Variants in RBM26 observed in about 807,000 individuals in gnomAD.
RBM26 encodes RNA-binding protein 26.
In RBM26, 30 loss-of-function variants were observed where a neutral mutation model predicts 123.6. The ratio of observed to expected loss-of-function variants is 0.24; its 90% CI spans 0.18 to 0.33. The LOEUF (loss-of-function observed/expected upper bound fraction) is 0.33, where lower values mean the gene tolerates loss of function less well. Among genes scored for constraint, RBM26 ranks in the 10% least tolerant of loss-of-function variants. The pLI is 1.00. For missense variants in RBM26, 947 were observed against 1,203.6 expected (o/e 0.79, Z 3.15); for synonymous variants, 400 against 404.4 (o/e 0.99, Z 0.13).
intron 20 of RBM26, among the ~76,000 whole-genome samples, chr13:79,330,504 A>T (rs2138704077): frequency 6.6e-6 from 1 of 152,314 alleles, no homozygotes; most frequent in South Asian, 2.1e-4. Context: ...ATCTTTTGTT[A>T]GGGGATCTCT....
intron 18 of RBM26, 142 bp from the exon 19 acceptor site, chr13:79,337,444 T>A: frequency 9.8e-7 from 1 of 1,015,376 alleles, no homozygotes; most frequent in Non-Finnish European, 1.4e-6. Flanking sequence ...ATAATTTAAA[T>A]TGGGGTTTTA....
intron 13 of RBM26, among the ~76,000 whole-genome samples, chr13:79,353,757 C>T (rs1384506197): frequency 6.6e-6 from 1 of 152,114 alleles, no homozygotes; most frequent in East Asian, 1.9e-4. Context: ...GTGGCATCCA[C>T]TAGCTAAGTA....
At chr13:79,365,942 A>T in intron 8 of RBM26, 113 bp downstream of exon 8, 1 of 1,091,374 alleles carries the variant, frequency 9.2e-7, no homozygotes, top group Non-Finnish European at 1.3e-6. Flanking sequence ...CACCACGGCT[A>T]CATAATTTTA....
intron 17 of RBM26, among the ~76,000 whole-genome samples, chr13:79,341,657 A>G (rs1405045266): frequency 6.6e-6 from 1 of 151,804 alleles, no homozygotes; most frequent in Admixed American, 6.6e-5. Flanking sequence ...CTGGTGACCT[A>G]TAAGGGATGG....
At chr13:79,386,761 T>C (rs549786000) in intron 1 of RBM26, among the ~76,000 whole-genome samples, 1 of 152,134 alleles carries the variant, frequency 6.6e-6, no homozygotes, top group African/African-American at 2.4e-5. Flanking sequence ...ACATTCTGTC[T>C]AGTTAACAAC....
At chr13:79,366,315 T>C (rs1196098252) in intron 7 of RBM26, 120 bp from the exon 8 acceptor site, 3 of 1,105,436 alleles carry the variant, frequency 2.7e-6, no homozygotes, top group East Asian at 5.1e-5. Flanking sequence ...ACCAAGCCCT[T>C]ACAACTGAAT....
In RBM26 at chr13:79,353,162, T is replaced by C; in HGVS notation, c.2049A>G (p.Ala683=). Residue 683 remains alanine (A), a synonymous_variant, in exon 14 of 22, where the codon GCA becomes GCG. Coordinates refer to ENST00000438737, the MANE Select transcript of RBM26 (RefSeq NM_001366735.2). ...LGFVSKPSVS[A]TEKVLSTSTG... ...ATGCTATTCTTCTTACCTTTTCAGT[T>C]GCTGAAACAGATGGCTTTGATACAA... The C allele has an allele frequency of 6.3e-7, 1 of 1,587,426 alleles. No homozygotes were observed. Among genetic ancestry groups the C allele is most frequent in the Non-Finnish European group, 8.6e-7 (1 of 1,164,556 alleles).
At chr13:79,373,789 C>T (rs1270012540) in intron 3 of RBM26, among the ~76,000 whole-genome samples, 2 of 141,440 alleles carry the variant, frequency 1.4e-5, no homozygotes, top group African/African-American at 2.6e-5. Context: ...AATAGTTCTC[C>T]AGTTTCTCAC....
At chr13:79,394,877 G>A (rs879094186) in intron 1 of RBM26, among the ~76,000 whole-genome samples, 82 of 152,244 alleles carry the variant, frequency 5.4e-4, no homozygotes, top group African/African-American at 1.8e-3. Flanking sequence ...CAGGTGATCC[G>A]TCCACCTTGG....
intron 5 of RBM26, 32 bp downstream of exon 5, chr13:79,370,913 T>TC (rs1432491508): frequency 6.4e-7 from 1 of 1,573,642 alleles, no homozygotes; most frequent in Non-Finnish European, 8.7e-7. Flanking sequence ...ATGGAGTTTT[T>TC]CATAAAAAGA....
chr13:79,331,831 C>G (rs75857726), intron 20 of RBM26, among the ~76,000 whole-genome samples: 1,536 of 152,260 alleles, frequency 0.01, 6 homozygotes, highest in Non-Finnish European at 0.016. Flanking sequence ...TTACTCTTGT[C>G]TGAGTACTTA....
At chr13:79,356,537 T>C (rs1433531750) in intron 11 of RBM26, among the ~76,000 whole-genome samples, 1 of 152,146 alleles carries the variant, frequency 6.6e-6, no homozygotes, top group African/African-American at 2.4e-5. Flanking sequence ...CTCTTCAGTG[T>C]TAAGAATTAA....
chr13:79,389,398 G>C (rs564252084), intron 1 of RBM26: 2 of 152,148 alleles, frequency 1.3e-5, no homozygotes, highest in African/African-American at 4.8e-5. Flanking sequence ...TCATTGCAGA[G>C]TTATTTAAAA....
intron 20 of RBM26, among the ~76,000 whole-genome samples, chr13:79,330,950 T>A (rs922818400): frequency 3.3e-5 from 5 of 151,974 alleles, no homozygotes; most frequent in East Asian, 1.9e-4. Flanking sequence ...ACACACACAC[T>A]CTGCTATGCA....
In RBM26 at chr13:79,320,027, A is replaced by G; in HGVS notation, c.*594T>C. 1.1e-6 allele frequency: 1 copy of G among 910,666 alleles called. No individual in the cohort carries two copies. The highest frequency in any genetic ancestry group is 1.3e-6 in the Non-Finnish European group (1 of 798,866). 56.4% of individuals were successfully genotyped at this position (910,666 alleles called of 1,614,324 possible). On this transcript the variant is annotated 3_prime_UTR_variant, in exon 22 of 22. Coordinates refer to ENST00000438737, the MANE Select transcript of RBM26 (RefSeq NM_001366735.2). The stretch of plus-strand genomic sequence containing the variant: ...TTTTTTAAAGAGACCATTCCACTTT[A>G]TTATAACATCTGGATGCATAAGGAC...
chr13:79,325,824 C>T (rs2068317336), intron 20 of RBM26, among the ~76,000 whole-genome samples: 1 of 152,142 alleles, frequency 6.6e-6, no homozygotes, highest in Non-Finnish European at 1.5e-5. Flanking sequence ...TCACCCAGAG[C>T]AATTTCCAGT....
rs2069223906 is a variant in RBM26, at chr13:79,331,045, C to G, written c.2820+3299G>C. ...TTTTTTGCTAAGATAGGGTCTGGCT[C>G]TGTCGCCCAGGCTGAAGCACAGTGG... is the stretch of plus-strand genomic sequence containing the variant. On this transcript the variant is annotated intron_variant, in intron 20 of 21. Coordinates refer to ENST00000438737, the MANE Select transcript of RBM26 (RefSeq NM_001366735.2). Among the ~76,000 whole-genome samples, 3 of 120,128 alleles carry G rather than the reference C, an allele frequency of 2.5e-5. No individual in the cohort carries two copies. In the South Asian group the frequency reaches 7.9e-4, roughly 32 times the overall value. 78.8% of individuals were successfully genotyped at this position (120,128 alleles called of 152,430 possible).
intron 20 of RBM26, among the ~76,000 whole-genome samples, chr13:79,324,187 A>G (rs1178054691): frequency 6.6e-6 from 1 of 151,718 alleles, no homozygotes; most frequent in African/African-American, 2.4e-5. Flanking sequence ...AATCCTACAT[A>G]TATTTTTCTA....
At chr13:79,346,249 G>A (rs2072309133) in intron 14 of RBM26, among the ~76,000 whole-genome samples, 1 of 152,100 alleles carries the variant, frequency 6.6e-6, no homozygotes, top group Non-Finnish European at 1.5e-5. Flanking sequence ...GCTATTCTAA[G>A]TATTCAAGAA....
Sources: allele counts gnomAD v4.1 joint callset (sites outside exome capture counted in the v4.1 genomes callset), GRCh38; gene constraint gnomAD v4.1.1; transcripts MANE v1.5; gene names NCBI Gene and HGNC (gene_info 2026-07-23, HGNC 2026-07-21).